Variants in ABCC3 observed in about 807,000 individuals in gnomAD.
ABCC3 encodes ATP-binding cassette sub-family C member 3.
ABCC3 carries 121 observed loss-of-function variants against 165.3 expected under a neutral mutation model. That is an observed-to-expected ratio of 0.73 (90% CI 0.63 to 0.85). ABCC3 has a LOEUF of 0.85. Among genes scored for constraint, ABCC3 ranks in the 40% least tolerant of loss-of-function variants. ABCC3 has a pLI of 0.00. For synonymous variants in ABCC3, 733 were observed against 810.1 expected, an observed-to-expected ratio of 0.90 and a Z score of 1.62; for missense variants, 1,869 against 1,964.1, an observed-to-expected ratio of 0.95 and a Z score of 0.92.
chr17:50,667,969 C>T lies in ABCC3; in HGVS notation c.1742C>T (p.Pro581Leu), dbSNP rs1967562691. The T allele has an allele frequency of 6.2e-7, 1 of 1,614,076 alleles. No homozygotes were observed. The highest frequency in any genetic ancestry group is 1.3e-5 in the African/African-American group (1 of 74,926). ...SVSLFNILRL[P>L]LNMLPQLISN... Reference sequence around the variant, plus strand: ...TCCTTGTTTAATATCTTAAGACTTCCCCTCAACATGCTGCCCCAGTTAATC... The same window carrying T: ...TCCTTGTTTAATATCTTAAGACTTCTCCTCAACATGCTGCCCCAGTTAATC... Residue 581 changes from proline (P) to leucine (L), a missense_variant, in exon 13 of 31, where the codon CCC (proline) becomes CTC (leucine). Pro to Leu is a moderately conservative substitution (Grantham distance 98). Coordinates refer to ENST00000285238, the MANE Select transcript of ABCC3 (RefSeq NM_003786.4).
chr17:50,680,045 C>T, intron 26 of ABCC3, 146 bp downstream of exon 26: 1 of 644,466 alleles, frequency 1.6e-6, no homozygotes, highest in East Asian at 2.8e-5. Flanking sequence ...GAGCATCAAC[C>T]AATGCTCTAT....
At chr17:50,656,918 T>C in intron 3 of ABCC3, 91 bp downstream of exon 3, 2 of 1,549,578 alleles carry the variant, frequency 1.3e-6, no homozygotes, top group South Asian at 2.5e-5. Context: ...AGGAGAGGGC[T>C]GGACATATTG....
chr17:50,668,959 G>A (rs756170452), intron 15 of ABCC3, 40 bp downstream of exon 15: 1 of 1,608,794 alleles, frequency 6.2e-7, no homozygotes, highest in Non-Finnish European at 8.5e-7. Context: ...TGCCCACGGT[G>A]GGCTGGAAGT....
intron 15 of ABCC3, 47 bp downstream of exon 15, chr17:50,668,966 A>G (rs1967584513): frequency 6.2e-7 from 1 of 1,604,720 alleles, no homozygotes; most frequent in African/African-American, 1.3e-5. Flanking sequence ...GGTGGGCTGG[A>G]AGTTCAGATC....
chr17:50,675,272 C>T (rs1967774262), intron 19 of ABCC3, 90 bp from the exon 20 acceptor site: 2 of 819,500 alleles, frequency 2.4e-6, no homozygotes, highest in Non-Finnish European at 3.8e-6. Context: ...GTCCATTGAA[C>T]CCCTTTCATT....
At chr17:50,635,298 C>T in intron 1 of ABCC3, 1 of 626,610 alleles carries the variant, frequency 1.6e-6, no homozygotes, top group Admixed American at 2.5e-5. Flanking sequence ...CGGCTCCATC[C>T]CAGCCCCTCC....
chr17:50,684,218 C>A, intron 28 of ABCC3, 111 bp downstream of exon 28: 1 of 1,401,758 alleles, frequency 7.1e-7, no homozygotes, highest in Non-Finnish European at 9.5e-7. Context: ...GAGGCTTGGG[C>A]AGGTGGGGAG....
chr17:50,676,198 T>G (rs1967802243), intron 22 of ABCC3, 80 bp from the exon 23 acceptor site: 2 of 1,587,050 alleles, frequency 1.3e-6, no homozygotes, highest in East Asian at 2.2e-5. Context: ...CCCACTCTGG[T>G]CAACCCGTGT....
intron 25 of ABCC3, chr17:50,679,189 C>T (rs1313965443): frequency 6.6e-6 from 1 of 152,378 alleles, no homozygotes; most frequent in Non-Finnish European, 1.5e-5. Flanking sequence ...CAAAGAGTCA[C>T]CTAACTGCAA....
At chr17:50,655,422 C>A (rs11869370) in intron 1 of ABCC3, among the ~76,000 whole-genome samples, 45,775 of 111,638 alleles carry the variant, frequency 0.41, 11,053 homozygotes, top group Non-Finnish European at 0.5. Context: ...AAAAAAAAAA[C>A]AAAAACAAAA....
In ABCC3 at chr17:50,684,081, C is replaced by T. The variant is rs746112608; in HGVS notation, c.4087C>T (p.Arg1363Cys). 6.2e-6 allele frequency: 10 copies of T among 1,613,122 alleles called. No homozygotes were observed. Among genetic ancestry groups the T allele is most frequent in the South Asian group, 3.3e-5 (3 of 91,020 alleles). ...GGCAGACATCGGCCTCCATGACCTG[C>T]GCTCTCAGCTGACCATCATCCCGCA... ...NVADIGLHDL[R>C]SQLTIIPQDP... is the part of the protein sequence containing the mutation. The change falls in exon 28 of 31, where the codon CGC (arginine) becomes TGC (cysteine). Residue 1363 changes from arginine to cysteine, a missense_variant. Coordinates refer to ENST00000285238, the MANE Select transcript of ABCC3 (RefSeq NM_003786.4).
In ABCC3 at chr17:50,676,285, G is replaced by A. The variant is rs966540010; in HGVS notation, c.3075G>A (p.Leu1025=). The A allele has an allele frequency of 1.9e-6, 3 of 1,612,064 alleles. No homozygotes were observed. The highest frequency in any genetic ancestry group is 1.7e-6 in the Non-Finnish European group (2 of 1,178,892). The stretch of plus-strand genomic sequence containing the variant: ...CTCTGCCTTCTCCAACAGGGTTCTT[G>A]GTGATGCTGGCAGCCATGGCCATGG... ...YAALGILQGF[L]VMLAAMAMAA... Residue 1025 remains leucine, a synonymous_variant, in exon 23 of 31, where the codon TTG becomes TTA. Transcript: ENST00000285238.
intron 1 of ABCC3, among the ~76,000 whole-genome samples, chr17:50,641,822 G>C (rs1384486118): frequency 6.6e-6 from 1 of 152,098 alleles, no homozygotes; most frequent in East Asian, 1.9e-4. Context: ...GAAGCAGGAG[G>C]ATCACTTGAG....
chr17:50,673,982 C>CTTTCCTTCCTTCCTT (rs1967727716), intron 19 of ABCC3, among the ~76,000 whole-genome samples: 1 of 14,682 alleles, frequency 6.8e-5, no homozygotes, highest in Admixed American at 8.6e-4. Context: ...CTTTCTTTCT[C>CTTTCCTTCCTTCCTT]TCTCTCTCTC....
intron 8 of ABCC3, 120 bp downstream of exon 8, chr17:50,661,234 C>A: frequency 9.3e-7 from 1 of 1,079,716 alleles, no homozygotes; most frequent in Non-Finnish European, 1.3e-6. Flanking sequence ...GGGAGGCTAG[C>A]TCCACTTTCT....
At chr17:50,673,972 CTTTCTT>C (rs1567835533) in intron 19 of ABCC3, among the ~76,000 whole-genome samples, 13 of 15,036 alleles carry the variant, frequency 8.6e-4, no homozygotes, top group Admixed American at 2.1e-3. Flanking sequence ...TTCTTTCTTT[CTTTCTT>C]TCTCTCTCTC....
At chr17:50,660,067 A>G (rs745384832) in intron 7 of ABCC3, among the ~76,000 whole-genome samples, 7 of 152,298 alleles carry the variant, frequency 4.6e-5, no homozygotes, top group Admixed American at 2.0e-4. Flanking sequence ...TGGTGGTGGC[A>G]GAGCTGGAAT....
At chr17:50,682,342 A>T (rs547995085) in intron 26 of ABCC3, among the ~76,000 whole-genome samples, 6 of 76,052 alleles carry the variant, frequency 7.9e-5, no homozygotes, top group African/African-American at 3.7e-4. Context: ...CTGCCAAGAG[A>T]TTTAAAAAAA....
intron 4 of ABCC3, among the ~76,000 whole-genome samples, chr17:50,657,842 G>A (rs1213134405): frequency 1.3e-5 from 2 of 152,198 alleles, no homozygotes. Flanking sequence ...GTTAGACAAG[G>A]TCATGTAGGT....
Sources: allele counts gnomAD v4.1 joint callset (sites outside exome capture counted in the v4.1 genomes callset), GRCh38; gene constraint gnomAD v4.1.1; transcripts MANE v1.5; gene names NCBI Gene and HGNC (gene_info 2026-07-23, HGNC 2026-07-21).